The following KLRG1 variants were observed in gnomAD, a reference collection of about 807,000 sequenced individuals.
The protein encoded by KLRG1 is killer cell lectin-like receptor subfamily G member 1.
Under a neutral mutation model 21.8 loss-of-function variants are expected in KLRG1, and 16 were observed. The observed-to-expected ratio is 0.73, with a 90% confidence interval of 0.50 to 1.11. KLRG1 has a LOEUF of 1.11. KLRG1 is among the 50% of genes most tolerant of loss of function. The probability of loss-of-function intolerance (pLI) is 0.00; values close to 1 mark genes in which losing one functional copy is unlikely to be tolerated. For missense variants in KLRG1, 173 were observed against 218.3 expected (o/e 0.79, Z 1.31); for synonymous variants, 69 against 75.9 (o/e 0.91, Z 0.47).
At chr12:9,141,019 T>C in the KLRG1 span, among the ~76,000 whole-genome samples, 8 of 152,214 alleles carry the variant, frequency 5.3e-5, no homozygotes, top group Non-Finnish European at 1.0e-4. Flanking sequence ...GTAAAAAAGA[T>C]TACTTCAGTC....
the KLRG1 span, among the ~76,000 whole-genome samples, chr12:9,113,112 T>C: frequency 6.6e-6 from 1 of 151,774 alleles, no homozygotes; most frequent in African/African-American, 2.4e-5. Flanking sequence ...TTTCTTTTTT[T>C]TTTTTTCCTT....
chr12:9,171,543 CAAT>C, the KLRG1 span, among the ~76,000 whole-genome samples: 1 of 152,046 alleles, frequency 6.6e-6, no homozygotes, highest in Non-Finnish European at 1.5e-5. Flanking sequence ...AAGTGGATAA[CAAT>C]AAACTTTGCT....
chr12:9,180,814 C>T, the KLRG1 span, among the ~76,000 whole-genome samples: 3 of 152,208 alleles, frequency 2.0e-5, no homozygotes, highest in Admixed American at 6.5e-5. Context: ...TCTAATTAAA[C>T]TAAAGAGCTT....
At chr12:9,188,165 G>T in the KLRG1 span, among the ~76,000 whole-genome samples, 1 of 152,208 alleles carries the variant, frequency 6.6e-6, no homozygotes. Flanking sequence ...ACATCAAAAA[G>T]CTTAGCTACC....
chr12:9,010,144 C>CAT lies in KLRG1; in HGVS notation c.*607_*608insAT. 3 of 676,076 alleles carry CAT rather than the reference C, an allele frequency of 4.4e-6. No homozygotes were observed. Among genetic ancestry groups the CAT allele is most frequent in the Non-Finnish European group, 7.5e-6 (3 of 398,370 alleles). The allele number at this position is 676,076 out of a possible 1,614,324, so 41.9% of individuals were successfully genotyped here. On this transcript the variant is annotated 3_prime_UTR_variant, in exon 5 of 5. Transcript: ENST00000356986. ...GAGGCTGCAGTGAGCTATGATTGTG[C>CAT]CACTGTACTCCAGCCTGGGAGATAG...
At chr12:9,120,852 C>CTGTGTGT in the KLRG1 span, among the ~76,000 whole-genome samples, 3 of 143,408 alleles carry the variant, frequency 2.1e-5, no homozygotes, top group Admixed American at 1.4e-4. Context: ...ATCCCACTAA[C>CTGTGTGT]GTGTGTGTGT....
chr12:9,201,314 T>G, the KLRG1 span: 3 of 1,532,082 alleles, frequency 2.0e-6, no homozygotes, highest in Non-Finnish European at 2.7e-6. Context: ...AAGATACTTT[T>G]TCTGATACTT....
the KLRG1 span, among the ~76,000 whole-genome samples, chr12:9,126,053 C>T: frequency 1.6e-4 from 25 of 152,218 alleles, no homozygotes; most frequent in Non-Finnish European, 2.8e-4. Flanking sequence ...TTTATAAGTT[C>T]GTGTACTTTA....
the KLRG1 span, chr12:9,154,626 G>C: frequency 3.7e-6 from 6 of 1,614,016 alleles, no homozygotes; most frequent in Non-Finnish European, 5.1e-6. Flanking sequence ...CTGGGTGGAG[G>C]AGAAACCACC....
At chr12:9,123,837 T>TTCAGTTTCTTCCTTGTTTGTGAAG in the KLRG1 span, among the ~76,000 whole-genome samples, 1 of 137,836 alleles carries the variant, frequency 7.3e-6, no homozygotes, top group Admixed American at 7.4e-5. Flanking sequence ...TATGCCTAAT[T>TTCAGTTTCTTCCTTGTTTGTGAAG]CAATGGCTTT....
the KLRG1 span, chr12:9,200,471 T>C: frequency 6.5e-7 from 1 of 1,531,402 alleles, no homozygotes; most frequent in Non-Finnish European, 9.0e-7. Flanking sequence ...ATAATAGGAA[T>C]AAGGAAGGTT....
chr12:9,120,852 C>CGTGTGTGTGTGTGTGT, the KLRG1 span, among the ~76,000 whole-genome samples: 296 of 143,468 alleles, frequency 2.1e-3, 1 homozygote, highest in Middle Eastern at 7.1e-3. Flanking sequence ...ATCCCACTAA[C>CGTGTGTGTGTGTGTGT]GTGTGTGTGT....
At chr12:8,992,654 TG>T (rs1947008290) in intron 2 of KLRG1, among the ~76,000 whole-genome samples, 1 of 152,150 alleles carries the variant, frequency 6.6e-6, no homozygotes, top group Non-Finnish European at 1.5e-5. Flanking sequence ...CTCGAGTAGC[TG>T]GGACCACAGG....
At chr12:9,159,799 A>G in the KLRG1 span, 1 of 751,896 alleles carries the variant, frequency 1.3e-6, no homozygotes, top group Non-Finnish European at 2.1e-6. Context: ...TCATAGCTAT[A>G]AGAAATAAAT....
the KLRG1 span, chr12:9,202,730 C>T: frequency 4.5e-6 from 7 of 1,557,166 alleles, no homozygotes; most frequent in African/African-American, 6.8e-5. Context: ...GTGCAGTCTT[C>T]TCCCTCTGCA....
the KLRG1 span, chr12:9,077,624 T>A: frequency 2.6e-6 from 4 of 1,567,352 alleles, no homozygotes; most frequent in Non-Finnish European, 3.5e-6. Flanking sequence ...CTTAGAATTT[T>A]TCACATTATC....
At chr12:9,127,538 C>T in the KLRG1 span, among the ~76,000 whole-genome samples, 2 of 152,190 alleles carry the variant, frequency 1.3e-5, no homozygotes, top group Non-Finnish European at 2.9e-5. Context: ...CTGCAGCTTT[C>T]GCCAGTCATT....
the KLRG1 span, among the ~76,000 whole-genome samples, chr12:9,204,383 A>G: frequency 2.6e-5 from 4 of 152,234 alleles, no homozygotes; most frequent in South Asian, 8.3e-4. Context: ...AAATCTGTCT[A>G]GATAAACATC....
the KLRG1 span, among the ~76,000 whole-genome samples, chr12:9,052,189 C>T: frequency 6.6e-6 from 1 of 152,202 alleles, no homozygotes; most frequent in Non-Finnish European, 1.5e-5. Flanking sequence ...TCTTGGACTC[C>T]ATTGTATTAT....
Sources: gnomAD v4.1 joint callset for allele counts (sites outside exome capture counted in the v4.1 genomes callset) on GRCh38, gnomAD v4.1.1 for gene constraint, MANE v1.5 for transcripts, NCBI Gene and HGNC (gene_info 2026-07-23, HGNC 2026-07-21) for gene names.